TNNI3K: variants seen among roughly 807,000 people sequenced by gnomAD.
TNNI3K encodes the protein TNNI3 interacting kinase, also known as serine/threonine-protein kinase TNNI3K.
Under a neutral mutation model 114.5 loss-of-function variants are expected in TNNI3K, and 140 were observed. The observed-to-expected ratio is 1.22, with a 90% CI of 1.07 to 1.41. TNNI3K has a LOEUF of 1.41. Among genes scored for constraint, TNNI3K ranks in the 40% most tolerant of loss-of-function variants. The probability of loss-of-function intolerance (pLI) is 0.00; values close to 1 mark genes in which losing one functional copy is unlikely to be tolerated. For synonymous variants in TNNI3K, 347 were observed against 347.5 expected (o/e 1.00, Z 0.02); for missense variants, 1,125 against 1,007.6 (o/e 1.12, Z -1.58).
intron 5 of TNNI3K, among the ~76,000 whole-genome samples, chr1:74,285,536 T>TC (rs1036134354): frequency 9.2e-5 from 14 of 151,798 alleles, no homozygotes; most frequent in Non-Finnish European, 1.6e-4. Flanking sequence ...AATGTTTTTT[T>TC]GTACCTTTCT....
chr1:74,280,164 C>T (rs1264929457), intron 5 of TNNI3K, among the ~76,000 whole-genome samples: 2 of 152,128 alleles, frequency 1.3e-5, no homozygotes, highest in African/African-American at 4.8e-5. Flanking sequence ...GGGCTGTTCA[C>T]GAGGTCAGGA....
At chr1:74,240,057 C>A (rs1654093400) in intron 2 of TNNI3K, 1 of 438,642 alleles carries the variant, frequency 2.3e-6, no homozygotes, top group Non-Finnish European at 4.7e-6. Context: ...ATTATATCCT[C>A]CTCTGTGCTG....
intron 5 of TNNI3K, among the ~76,000 whole-genome samples, chr1:74,279,062 G>A (rs1656848594): frequency 6.6e-6 from 1 of 152,086 alleles, no homozygotes; most frequent in Admixed American, 6.5e-5. Context: ...AATGCTGGAA[G>A]GAAATCTTCA....
At chr1:74,250,166 G>A (rs1016133344) in intron 3 of TNNI3K, among the ~76,000 whole-genome samples, 7 of 152,132 alleles carry the variant, frequency 4.6e-5, no homozygotes, top group African/African-American at 1.7e-4. Flanking sequence ...ATGTGTAAGT[G>A]TCAACTCTAA....
At chr1:74,531,348 T>C (rs1415254637) in intron 23 of TNNI3K, among the ~76,000 whole-genome samples, 1 of 152,234 alleles carries the variant, frequency 6.6e-6, no homozygotes, top group African/African-American at 2.4e-5. Flanking sequence ...TGAACTTAAC[T>C]GATAAATTAG....
chr1:74,284,651 A>G (rs1024728719), intron 5 of TNNI3K, among the ~76,000 whole-genome samples: 3 of 152,210 alleles, frequency 2.0e-5, no homozygotes, highest in African/African-American at 7.2e-5. Flanking sequence ...TGCATCTTTC[A>G]TTTTGCAGCC....
At chr1:74,461,803 A>T (rs1357978013) in intron 20 of TNNI3K, among the ~76,000 whole-genome samples, 1 of 152,198 alleles carries the variant, frequency 6.6e-6, no homozygotes, top group Non-Finnish European at 1.5e-5. Flanking sequence ...TCTCCTCAAA[A>T]TATCATAAAT....
intron 23 of TNNI3K, among the ~76,000 whole-genome samples, chr1:74,518,492 A>G (rs1172593877): frequency 2.0e-5 from 3 of 151,990 alleles, no homozygotes; most frequent in Non-Finnish European, 4.4e-5. Context: ...AGGATCTCTG[A>G]TTCTCCCACC....
chr1:74,343,182 A>T lies in TNNI3K; in HGVS notation c.932+3A>T. 6.2e-7 allele frequency: 1 copy of T among 1,608,124 alleles called. No individual in the cohort carries two copies. The highest frequency in any genetic ancestry group is 8.5e-7 in the Non-Finnish European group (1 of 1,177,048). On this transcript the variant is annotated splice_donor_region_variant and intron_variant, in intron 9 of 24. Coordinates refer to ENST00000326637, the MANE Select transcript of TNNI3K (RefSeq NM_015978.3). ...TTCAGTGAAACAGCTTTTCATAGGT[A>T]AAAGAATATTTAAGTGCAATAGCCA...
intron 20 of TNNI3K, among the ~76,000 whole-genome samples, chr1:74,448,607 G>T (rs1404092656): frequency 7.5e-6 from 1 of 133,964 alleles, no homozygotes; most frequent in Admixed American, 7.7e-5. Flanking sequence ...GTTTGTCATA[G>T]ATAGCTCTTA....
chr1:74,284,407 T>G (rs970651956), intron 5 of TNNI3K, among the ~76,000 whole-genome samples: 2 of 152,162 alleles, frequency 1.3e-5, no homozygotes, highest in African/African-American at 4.8e-5. Context: ...CGGTGACCCT[T>G]AAAGGCACTT....
At chr1:74,329,431 ATTG>A (rs923428627) in intron 5 of TNNI3K, among the ~76,000 whole-genome samples, 4 of 152,082 alleles carry the variant, frequency 2.6e-5, no homozygotes, top group African/African-American at 9.7e-5. Context: ...AACAAAGAAA[ATTG>A]TTGTGAGAAT....
At chr1:74,387,146 CTCAACAATTGAACAA>C (rs1663526401) in intron 17 of TNNI3K, among the ~76,000 whole-genome samples, 1 of 152,094 alleles carries the variant, frequency 6.6e-6, no homozygotes, top group Admixed American at 6.6e-5. Flanking sequence ...GTTCAAATGT[CTCAACAATTGAACAA>C]TACAAACAAT....
At chr1:74,497,817 A>G (rs750840218) in intron 23 of TNNI3K, among the ~76,000 whole-genome samples, 3 of 152,070 alleles carry the variant, frequency 2.0e-5, no homozygotes, top group Non-Finnish European at 2.9e-5. Flanking sequence ...ATAATTCTCC[A>G]TTGCTTCTAA....
At chr1:74,528,812 C>G (rs80124698) in intron 23 of TNNI3K, among the ~76,000 whole-genome samples, 1 of 152,298 alleles carries the variant, frequency 6.6e-6, no homozygotes, top group East Asian at 1.9e-4. Context: ...CACCTGGCAC[C>G]TTGATCCTCA....
At chr1:74,533,726 G>A (rs1046600286) in intron 23 of TNNI3K, among the ~76,000 whole-genome samples, 2 of 151,826 alleles carry the variant, frequency 1.3e-5, no homozygotes, top group Admixed American at 1.3e-4. Context: ...GGAATACTAT[G>A]CAGCCATAAA....
intron 2 of TNNI3K, among the ~76,000 whole-genome samples, chr1:74,238,645 G>T (rs1200556523): frequency 6.6e-6 from 1 of 152,044 alleles, no homozygotes; most frequent in African/African-American, 2.4e-5. Flanking sequence ...GATTGAAAGG[G>T]ATTTGAAGAA....
At chr1:74,406,430 C>A (rs576612443) in intron 17 of TNNI3K, among the ~76,000 whole-genome samples, 5 of 152,156 alleles carry the variant, frequency 3.3e-5, no homozygotes, top group African/African-American at 1.2e-4. Context: ...AAATTGGGCA[C>A]CCCTGCTCTA....
chr1:74,271,434 G>T (rs1185197831), intron 4 of TNNI3K, among the ~76,000 whole-genome samples, 164 bp from the exon 5 acceptor site: 1 of 151,882 alleles, frequency 6.6e-6, no homozygotes, highest in African/African-American at 2.4e-5. Context: ...CACCATCTGA[G>T]AACTATTCTC....
Sources: gnomAD v4.1 joint callset for allele counts (sites outside exome capture counted in the v4.1 genomes callset) on GRCh38, gnomAD v4.1.1 for gene constraint, MANE v1.5 for transcripts, NCBI Gene and HGNC (gene_info 2026-07-23, HGNC 2026-07-21) for gene names.